MYO18B: variants seen among roughly 807,000 people sequenced by gnomAD.
The protein encoded by MYO18B is unconventional myosin-XVIIIb.
Under a neutral mutation model 273.0 loss-of-function variants are expected in MYO18B, and 204 were observed. The ratio of observed to expected loss-of-function variants is 0.75; its 90% confidence interval spans 0.67 to 0.84. The LOEUF is 0.84. Among genes scored for constraint, MYO18B ranks in the 40% least tolerant of loss-of-function variants. MYO18B has a pLI of 0.00. For synonymous variants in MYO18B, 1,330 were observed against 1,305.7 expected (o/e 1.02, Z -0.40); for missense variants, 3,212 against 3,287.6 (o/e 0.98, Z 0.56).
intron 39 of MYO18B, among the ~76,000 whole-genome samples, chr22:25,956,435 C>T (rs1158017892): frequency 6.6e-6 from 1 of 152,140 alleles, no homozygotes; most frequent in Admixed American, 6.6e-5. Context: ...AGGCTGGTCT[C>T]AAACTCTTGA....
At chr22:25,905,487 C>T (rs187345892) in intron 31 of MYO18B, among the ~76,000 whole-genome samples, 1 of 152,102 alleles carries the variant, frequency 6.6e-6, no homozygotes, top group African/African-American at 2.4e-5. Flanking sequence ...AAGATCTGGT[C>T]GTGACAGCAG....
chr22:25,978,730 G>T (rs560880749), intron 39 of MYO18B, among the ~76,000 whole-genome samples: 2 of 152,314 alleles, frequency 1.3e-5, no homozygotes, highest in South Asian at 4.2e-4. Context: ...GAGGCAGGTG[G>T]ATTACCTGAG....
chr22:25,797,853 C>A, intron 11 of MYO18B, 100 bp from the exon 12 acceptor site: 1 of 1,529,992 alleles, frequency 6.5e-7, no homozygotes, highest in Non-Finnish European at 9.0e-7. Context: ...AATAAAATGA[C>A]CCCCGCATTC....
In MYO18B at chr22:25,823,558, C is replaced by G. The variant is rs776769593; in HGVS notation, c.2575C>G (p.Leu859Val). Residue 859 changes from leucine (L) to valine (V), a missense_variant, in exon 13 of 44, where the codon CTG becomes GTG. Physicochemically the swap from Leu to Val is conservative, Grantham distance 32. Transcript: ENST00000335473. ...FEWANYAAEA[L>V]GCEYEELNTA... ...GTGGGCAAACTACGCAGCTGAGGCC[C>G]TGGGCTGCGAGTATGAGGAGCTGAA... 8 of 1,613,878 alleles carry G rather than the reference C, an allele frequency of 5.0e-6. No individual in the cohort carries two copies. The African/African-American group carries it at 9.3e-5, about 19-fold the overall frequency.
chr22:25,769,352 G>C lies in MYO18B; in HGVS notation c.1436G>C (p.Arg479Pro). Residue 479 changes from arginine (R) to proline (P), a missense_variant, in exon 4 of 44, where the codon CGG (arginine) becomes CCG (proline). By Grantham distance (103) the Arg-to-Pro change is moderately radical. Transcript: ENST00000335473. ...CTGGAGAAGGATGCAGAAAGGCCTC[G>C]GATACGGAAGGAGAACCAAGACGGG... Reference protein sequence around the residue: ...PALEKDAERPRIRKENQDGPA... With the variant: ...PALEKDAERPPIRKENQDGPA... 6.3e-7 allele frequency: 1 copy of C among 1,575,958 alleles called. No individual in the cohort carries two copies. Among genetic ancestry groups the C allele is most frequent in the Non-Finnish European group, 8.6e-7 (1 of 1,161,382 alleles).
intron 7 of MYO18B, among the ~76,000 whole-genome samples, chr22:25,773,612 C>T (rs1235909086): frequency 1.3e-5 from 2 of 152,190 alleles, no homozygotes; most frequent in South Asian, 4.2e-4. Flanking sequence ...TACAGGCACC[C>T]GCCACCACGC....
At chr22:26,011,690 A>G (rs1401397768) in intron 42 of MYO18B, among the ~76,000 whole-genome samples, 10 of 152,212 alleles carry the variant, frequency 6.6e-5, no homozygotes, top group African/African-American at 9.7e-5. Context: ...TGGCCAATCT[A>G]TCATCACATA....
intron 25 of MYO18B, among the ~76,000 whole-genome samples, chr22:25,889,809 G>T (rs1018650194): frequency 1.3e-5 from 2 of 152,056 alleles, no homozygotes; most frequent in African/African-American, 4.8e-5. Context: ...GTGCAGGTGG[G>T]AATTCATTTA....
intron 17 of MYO18B, among the ~76,000 whole-genome samples, chr22:25,837,143 G>T (rs9613025): frequency 0.048 from 7,268 of 152,162 alleles, 268 homozygotes; most frequent in Non-Finnish European, 0.076. Flanking sequence ...CACTGTCCTA[G>T]CCCAGGAGAT....
downstream of MYO18B, among the ~76,000 whole-genome samples, chr22:26,033,650 C>G (rs955969761): frequency 6.6e-6 from 1 of 152,204 alleles, no homozygotes; most frequent in African/African-American, 2.4e-5. Context: ...CCATGCCTCT[C>G]AAATCCCCCA....
At chr22:25,989,693 G>A (rs190300263) in intron 39 of MYO18B, among the ~76,000 whole-genome samples, 1,700 of 149,132 alleles carry the variant, frequency 0.011, 19 homozygotes, top group Middle Eastern at 0.021. Flanking sequence ...AGTTACTTGG[G>A]AGGCTGAGGC....
At chr22:25,807,039 G>T (rs929595849) in intron 12 of MYO18B, among the ~76,000 whole-genome samples, 1 of 152,212 alleles carries the variant, frequency 6.6e-6, no homozygotes, top group Non-Finnish European at 1.5e-5. Context: ...AAGCATTTTG[G>T]TTGTCATTTC....
intron 7 of MYO18B, among the ~76,000 whole-genome samples, chr22:25,775,640 C>G (rs2086886317): frequency 6.6e-6 from 1 of 152,130 alleles, no homozygotes; most frequent in Admixed American, 6.5e-5. Flanking sequence ...GGAAACACAC[C>G]CTTCCTCGGC....
At chr22:25,935,088 G>A (rs187271878) in intron 34 of MYO18B, among the ~76,000 whole-genome samples, 1 of 152,100 alleles carries the variant, frequency 6.6e-6, no homozygotes, top group Admixed American at 6.5e-5. Flanking sequence ...CTGAAAATTG[G>A]GTTAGTTGCT....
rs749275035 is a variant in MYO18B, at chr22:25,768,857, C to T, written c.941C>T (p.Pro314Leu). ...GGGAAGCACGTAAGGCCCCAAATCC[C>T]TGGGAGAAAGTGGGGAGGTTTCCTG... is the stretch of plus-strand genomic sequence containing the variant. ...SEGKHVRPQI[P>L]GRKWGGFLGR... Residue 314 changes from proline to leucine, a missense_variant, in exon 4 of 44, where the codon CCT becomes CTT. Physicochemically the swap from Pro to Leu is moderately conservative, Grantham distance 98. Transcript: ENST00000335473. 3.7e-6 allele frequency: 6 copies of T among 1,612,760 alleles called. No individual in the cohort carries two copies. In the African/African-American group the frequency reaches 6.7e-5, roughly 18 times the overall value.
Position 26,027,142 on chromosome 22 carries a change from T to C in MYO18B, c.7168T>C (p.Ser2390Pro). ...LRPRRRCLES[S>P]VDDAGCPDLG... ...TCCTCGGAGGCGGTGTCTGGAGTCC[T>C]CTGTGGACGATGCGGGCTGTCCAGA... The change falls in exon 43 of 44, where the codon TCT (serine) becomes CCT (proline). Residue 2390 changes from serine (S) to proline (P), a missense_variant. Coordinates refer to ENST00000335473, the MANE Select transcript of MYO18B (RefSeq NM_032608.7). The surrounding 1 kb of genome is among the most constrained non-coding windows in gnomAD (Gnocchi z 4.1). 6.2e-7 allele frequency: 1 copy of C among 1,613,998 alleles called. No homozygotes were observed. Among genetic ancestry groups the C allele is most frequent in the Non-Finnish European group, 8.5e-7 (1 of 1,179,882 alleles).
At chr22:25,800,849 G>A (rs552667314) in intron 12 of MYO18B, among the ~76,000 whole-genome samples, 2 of 152,314 alleles carry the variant, frequency 1.3e-5, no homozygotes, top group Non-Finnish European at 2.9e-5. Context: ...TGCATCTGAT[G>A]ATAAGAGAAA....
At chr22:25,791,225 T>C (rs1183184163) in intron 11 of MYO18B, among the ~76,000 whole-genome samples, 3 of 152,112 alleles carry the variant, frequency 2.0e-5, no homozygotes, top group Admixed American at 6.5e-5. Context: ...GAGAGGCATA[T>C]CAGGGAGAGC....
chr22:25,879,909 A>G (rs2091293147), intron 25 of MYO18B, among the ~76,000 whole-genome samples: 1 of 152,208 alleles, frequency 6.6e-6, no homozygotes, highest in East Asian at 1.9e-4. Context: ...CTTTTAAACA[A>G]CCAGATCTTG....
Sources: gnomAD v4.1 joint callset for allele counts (sites outside exome capture counted in the v4.1 genomes callset) on GRCh38, gnomAD v4.1.1 for gene constraint, Gnocchi (gnomAD v3.1) non-coding constraint, MANE v1.5 for transcripts, NCBI Gene and HGNC (gene_info 2026-07-23, HGNC 2026-07-21) for gene names.